Variants in RIPOR2 observed in about 807,000 individuals in gnomAD.
RIPOR2 encodes RHO family interacting cell polarization regulator 2.
In RIPOR2, 39 loss-of-function variants were observed where a neutral mutation model predicts 114.5. The observed-to-expected ratio is 0.34, with a 90% CI of 0.26 to 0.44. The LOEUF (loss-of-function observed/expected upper bound fraction) is 0.44. RIPOR2 is among the 20% of genes least tolerant of loss of function. The probability of loss-of-function intolerance (pLI) is 1.00; values close to 1 mark genes in which losing one functional copy is unlikely to be tolerated. For synonymous variants in RIPOR2, 445 were observed against 484.4 expected, an observed-to-expected ratio of 0.92 and a Z score of 1.07; for missense variants, 1,007 against 1,255.1, an observed-to-expected ratio of 0.80 and a Z score of 2.99.
intron 1 of RIPOR2, among the ~76,000 whole-genome samples, chr6:24,962,375 G>A (rs1773345805): frequency 6.6e-6 from 1 of 152,182 alleles, no homozygotes; most frequent in Non-Finnish European, 1.5e-5. Flanking sequence ...ATAAATTATG[G>A]TTTGGGGAGG....
At chr6:25,011,190 T>C (rs1775763244) in intron 1 of RIPOR2, among the ~76,000 whole-genome samples, 1 of 152,228 alleles carries the variant, frequency 6.6e-6, no homozygotes, top group African/African-American at 2.4e-5. Flanking sequence ...AAATGGTGGT[T>C]ACATGTTTTA....
chr6:24,922,703 T>C (rs943569574), intron 1 of RIPOR2, among the ~76,000 whole-genome samples: 1 of 151,092 alleles, frequency 6.6e-6, no homozygotes, highest in South Asian at 2.1e-4. Context: ...CTACCAAAAA[T>C]ACAAAAATTA....
intron 1 of RIPOR2, among the ~76,000 whole-genome samples, chr6:24,895,328 C>A (rs528292299): frequency 3.3e-5 from 5 of 152,206 alleles, no homozygotes; most frequent in Middle Eastern, 3.4e-3. Flanking sequence ...GGATTATTGG[C>A]GTGAGCCACC....
intron 1 of RIPOR2, among the ~76,000 whole-genome samples, chr6:25,041,195 A>G (rs1463849869): frequency 6.6e-6 from 1 of 152,202 alleles, no homozygotes; most frequent in Admixed American, 6.5e-5. Flanking sequence ...ACCCATTTGA[A>G]TTTGCTGACA....
intron 1 of RIPOR2, among the ~76,000 whole-genome samples, chr6:25,020,571 G>C (rs879852832): frequency 6.6e-6 from 1 of 152,166 alleles, no homozygotes; most frequent in Non-Finnish European, 1.5e-5. Context: ...CCACCCACCA[G>C]TTCCTTTCTG....
chr6:24,824,022 G>A (rs981486541), intron 19 of RIPOR2, among the ~76,000 whole-genome samples: 4 of 152,190 alleles, frequency 2.6e-5, no homozygotes, highest in Non-Finnish European at 4.4e-5. Flanking sequence ...CTCCCAAAGT[G>A]TTGGGATTAC....
At chr6:24,970,549 G>A (rs1393581965) in intron 1 of RIPOR2, among the ~76,000 whole-genome samples, 2 of 152,146 alleles carry the variant, frequency 1.3e-5, no homozygotes, top group Non-Finnish European at 2.9e-5. Context: ...CCGAGAATAC[G>A]GTGAACTAAA....
chr6:24,912,165 A>G (rs1208125709), intron 1 of RIPOR2, among the ~76,000 whole-genome samples: 1 of 152,182 alleles, frequency 6.6e-6, no homozygotes, highest in East Asian at 1.9e-4. Context: ...AACGCCCAAG[A>G]GCATGCCTTT....
chr6:24,829,557 A>G (rs1240230691), intron 17 of RIPOR2, among the ~76,000 whole-genome samples: 4 of 152,082 alleles, frequency 2.6e-5, no homozygotes, highest in African/African-American at 9.7e-5. Context: ...AGCCCAGGAG[A>G]TTGAGGCTGC....
At chr6:24,905,907 G>C (rs1377334692) in intron 1 of RIPOR2, among the ~76,000 whole-genome samples, 1 of 152,190 alleles carries the variant, frequency 6.6e-6, no homozygotes, top group Non-Finnish European at 1.5e-5. Context: ...TGGAGTCATT[G>C]TTTCTTCATT....
At chr6:24,839,047 G>T in intron 14 of RIPOR2, 44 bp downstream of exon 14, 1 of 1,474,270 alleles carries the variant, frequency 6.8e-7, no homozygotes, top group African/African-American at 1.4e-5. Flanking sequence ...TACTGTATCA[G>T]CTGTGACAGG....
intron 14 of RIPOR2, among the ~76,000 whole-genome samples, chr6:24,837,164 C>G (rs1319006979): frequency 6.6e-6 from 1 of 152,110 alleles, no homozygotes; most frequent in African/African-American, 2.4e-5. Flanking sequence ...GCACTGCCAC[C>G]CAGGTTGGAG....
At chr6:24,942,699 T>C (rs907380729) in intron 1 of RIPOR2, among the ~76,000 whole-genome samples, 1 of 152,250 alleles carries the variant, frequency 6.6e-6, no homozygotes, top group African/African-American at 2.4e-5. Flanking sequence ...CTTTTGGCTA[T>C]ATAAATGTCT....
At chr6:24,909,544 C>A (rs541284474) in intron 1 of RIPOR2, among the ~76,000 whole-genome samples, 1 of 151,928 alleles carries the variant, frequency 6.6e-6, no homozygotes, top group Non-Finnish European at 1.5e-5. Flanking sequence ...GCAAGACAGA[C>A]CCGATAGAAA....
chr6:24,837,103 A>G (rs1048244628), intron 14 of RIPOR2, among the ~76,000 whole-genome samples: 1 of 152,156 alleles, frequency 6.6e-6, no homozygotes, highest in African/African-American at 2.4e-5. Context: ...AAGCTAAAAA[A>G]TATTAAGGCA....
At chr6:25,034,205 T>C (rs1009718551) in intron 1 of RIPOR2, among the ~76,000 whole-genome samples, 10 of 152,022 alleles carry the variant, frequency 6.6e-5, no homozygotes, top group Admixed American at 1.3e-4. Context: ...TTCTGTATTG[T>C]TTGATTTTTA....
At chr6:24,840,158 C>T in intron 13 of RIPOR2, 2 of 858,178 alleles carry the variant, frequency 2.3e-6, no homozygotes, top group Non-Finnish European at 2.8e-6. Flanking sequence ...CCTATGTTGA[C>T]CATACCGGTC....
At chr6:24,924,410 GGT>G (rs1455958190) in intron 1 of RIPOR2, among the ~76,000 whole-genome samples, 1 of 152,118 alleles carries the variant, frequency 6.6e-6, no homozygotes, top group Non-Finnish European at 1.5e-5. Flanking sequence ...ATGTTGCAGA[GGT>G]GTAAATAGAA....
At chr6:24,977,544 A>T (rs537426663) in intron 1 of RIPOR2, among the ~76,000 whole-genome samples, 10 of 152,356 alleles carry the variant, frequency 6.6e-5, no homozygotes, top group Middle Eastern at 6.8e-3. Flanking sequence ...GAAATAAAGC[A>T]TAGTAGTTCC....
Sources: allele counts gnomAD v4.1 joint callset (sites outside exome capture counted in the v4.1 genomes callset), GRCh38; gene constraint gnomAD v4.1.1; transcripts MANE v1.5; gene names NCBI Gene and HGNC (gene_info 2026-07-23, HGNC 2026-07-21).